Variants in ANAPC5 observed in about 807,000 individuals in gnomAD.
The protein encoded by ANAPC5 is anaphase promoting complex subunit 5.
A neutral mutation model predicts 91.3 loss-of-function variants in ANAPC5; 60 were observed. The ratio of observed to expected loss-of-function variants is 0.66; its 90% CI spans 0.53 to 0.81. The LOEUF is 0.81. Among genes scored for constraint, ANAPC5 ranks in the 40% least tolerant of loss-of-function variants. ANAPC5 has a pLI of 0.00. For synonymous variants in ANAPC5, 340 were observed against 364.1 expected (o/e 0.93, Z 0.75); for missense variants, 690 against 931.5 (o/e 0.74, Z 3.37).
At chr12:121,332,484 A>C (rs1025803924) in intron 7 of ANAPC5, 1 of 152,186 alleles carries the variant, frequency 6.6e-6, no homozygotes, top group South Asian at 2.1e-4. Context: ...TTCACTTTCT[A>C]ACCTCTTATC....
chr12:121,340,127 C>T (rs1555273947), intron 5 of ANAPC5, among the ~76,000 whole-genome samples: 1 of 151,546 alleles, frequency 6.6e-6, no homozygotes, highest in African/African-American at 2.4e-5. Flanking sequence ...GACCAGCCTG[C>T]CCAACATGGC....
At chr12:121,319,598 T>A in intron 13 of ANAPC5, 99 bp downstream of exon 13, 1 of 1,313,642 alleles carries the variant, frequency 7.6e-7, no homozygotes, top group Non-Finnish European at 1.0e-6. Context: ...AAAATAAAGT[T>A]TTTTTCTAAG....
At chr12:121,333,970 C>T (rs937965498) in intron 7 of ANAPC5, 1 of 152,180 alleles carries the variant, frequency 6.6e-6, no homozygotes, top group Admixed American at 6.5e-5. Context: ...AGCTTGTCTA[C>T]ATCCCTTTTA....
chr12:121,337,216 C>T (rs1334845150), intron 6 of ANAPC5, 75 bp downstream of exon 6: 7 of 1,259,948 alleles, frequency 5.6e-6, no homozygotes, highest in Non-Finnish European at 8.0e-6. Context: ...GACTCTGTTT[C>T]CAAAAACAAA....
intron 2 of ANAPC5, 54 bp downstream of exon 2, chr12:121,347,748 G>A (rs1903725700): frequency 7.2e-7 from 1 of 1,387,652 alleles, no homozygotes; most frequent in Non-Finnish European, 1.0e-6. Flanking sequence ...ACCCTTTTGT[G>A]ATTTTCATCT....
At chr12:121,343,199 GAA>G (rs1283894982) in intron 4 of ANAPC5, among the ~76,000 whole-genome samples, 1 of 152,088 alleles carries the variant, frequency 6.6e-6, no homozygotes, top group Non-Finnish European at 1.5e-5. Flanking sequence ...ACCCAAATAA[GAA>G]AAGTCTGAAT....
intron 15 of ANAPC5, among the ~76,000 whole-genome samples, chr12:121,316,854 T>C (rs1902388364): frequency 6.6e-6 from 1 of 151,694 alleles, no homozygotes; most frequent in Non-Finnish European, 1.5e-5. Context: ...CATCAGCTGA[T>C]GAATGGATAA....
At chr12:121,345,155 G>A (rs1170062678) in intron 4 of ANAPC5, among the ~76,000 whole-genome samples, 2 of 152,158 alleles carry the variant, frequency 1.3e-5, no homozygotes, top group Admixed American at 6.5e-5. Flanking sequence ...GGACTGGGGT[G>A]AAGGACAGGG....
At chr12:121,348,622 G>A (rs1193057262) in intron 1 of ANAPC5, among the ~76,000 whole-genome samples, 4 of 152,020 alleles carry the variant, frequency 2.6e-5, no homozygotes, top group East Asian at 1.9e-4. Flanking sequence ...CCAAGATCAC[G>A]CCATTGCACT....
At chr12:121,308,786 C>T in intron 16 of ANAPC5, 95 bp from the exon 17 acceptor site, 1 of 1,004,864 alleles carries the variant, frequency 1.0e-6, no homozygotes, top group South Asian at 1.4e-5. Context: ...TCAACAACTA[C>T]CAGAAGATTC....
intron 15 of ANAPC5, among the ~76,000 whole-genome samples, chr12:121,312,975 C>T (rs1377585398): frequency 6.6e-6 from 1 of 152,044 alleles, no homozygotes; most frequent in Non-Finnish European, 1.5e-5. Context: ...ACTGTAAAGG[C>T]CTACATTACA....
chr12:121,309,315 G>A (rs1005855976), intron 16 of ANAPC5, among the ~76,000 whole-genome samples: 2 of 151,400 alleles, frequency 1.3e-5, no homozygotes, highest in African/African-American at 4.9e-5. Flanking sequence ...TTGGTGGTGT[G>A]CGCCTTTACA....
At chr12:121,323,054 A>G (rs73405770) in intron 11 of ANAPC5, among the ~76,000 whole-genome samples, 8,735 of 152,066 alleles carry the variant, frequency 0.057, 730 homozygotes, top group African/African-American at 0.19. Context: ...CAAACAAAAA[A>G]CCTTAGAAGT....
At chr12:121,320,493 C>A (rs1278082452) in intron 11 of ANAPC5, 34 bp from the exon 12 acceptor site, 5 of 1,597,212 alleles carry the variant, frequency 3.1e-6, no homozygotes, top group Non-Finnish European at 4.3e-6. Context: ...ATCAGCATAA[C>A]CTGTGTTGAA....
At chr12:121,327,311 G>A in intron 10 of ANAPC5, 80 bp from the exon 11 acceptor site, 1 of 1,555,702 alleles carries the variant, frequency 6.4e-7, no homozygotes, top group Non-Finnish European at 8.7e-7. Flanking sequence ...GCTATCTTGA[G>A]TGGAGGCGTA....
At chr12:121,318,194 T>G (rs1902447477) in intron 15 of ANAPC5, 83 bp downstream of exon 15, 1 of 1,401,962 alleles carries the variant, frequency 7.1e-7, no homozygotes, top group Non-Finnish European at 9.4e-7. Flanking sequence ...AACTCATTAT[T>G]ATCCTTTCAA....
intron 15 of ANAPC5, among the ~76,000 whole-genome samples, chr12:121,314,705 G>C (rs1902288094): frequency 6.6e-6 from 1 of 151,132 alleles, no homozygotes; most frequent in South Asian, 2.1e-4. Flanking sequence ...ACAACCTCCA[G>C]CTCCTGAGGA....
Position 121,346,931 on chromosome 12 carries a change from C to G in ANAPC5, c.362G>C (p.Gly121Ala), listed in dbSNP as rs1555274751. Reference protein sequence around the residue: ...FFDDLSDSFSGTEPEVHKTSV... With the variant: ...FFDDLSDSFSATEPEVHKTSV... ...TGTTTTGTGAACCTCTGGTTCAGTT[C>G]CAGAGAAAGAATCTGAAAGGTCATC... is the stretch of plus-strand genomic sequence containing the variant. Residue 121 changes from glycine to alanine, a missense_variant, in exon 3 of 17, where the codon GGA (glycine) becomes GCA (alanine). Transcript: ENST00000261819. The G allele has an allele frequency of 1.2e-6, 2 of 1,611,734 alleles. No homozygotes were observed. Among genetic ancestry groups the G allele is most frequent in the East Asian group, 2.2e-5 (1 of 44,680 alleles).
intron 11 of ANAPC5, among the ~76,000 whole-genome samples, chr12:121,321,430 A>G (rs1256982562): frequency 6.8e-6 from 1 of 147,084 alleles, no homozygotes; most frequent in Non-Finnish European, 1.5e-5. Context: ...TCTCAGCTCA[A>G]TGCAGCCTCA....
Sources: gnomAD v4.1 joint callset for allele counts (sites outside exome capture counted in the v4.1 genomes callset) on GRCh38, gnomAD v4.1.1 for gene constraint, MANE v1.5 for transcripts, NCBI Gene and HGNC (gene_info 2026-07-23, HGNC 2026-07-21) for gene names.